PITPNM2: variants seen among roughly 807,000 people sequenced by gnomAD.
PITPNM2 encodes the protein membrane-associated phosphatidylinositol transfer protein 2.
A neutral mutation model predicts 132.2 loss-of-function variants in PITPNM2; 35 were observed. The observed-to-expected ratio is 0.26, with a 90% confidence interval of 0.20 to 0.35. PITPNM2 has a LOEUF of 0.35. Among genes scored for constraint, PITPNM2 ranks in the 10% least tolerant of loss-of-function variants. The pLI is 1.00. For synonymous variants in PITPNM2, 738 were observed against 799.2 expected (o/e 0.92, Z 1.29); for missense variants, 1,332 against 1,912.0 (o/e 0.70, Z 5.66).
At chr12:123,052,991 C>T (rs1051759468) in intron 2 of PITPNM2, among the ~76,000 whole-genome samples, 2 of 152,060 alleles carry the variant, frequency 1.3e-5, no homozygotes, top group African/African-American at 4.8e-5. Context: ...AGCAACCCTC[C>T]CCCTTCAGCC....
intron 3 of PITPNM2, among the ~76,000 whole-genome samples, chr12:123,028,948 A>G (rs2039970036): frequency 6.6e-6 from 1 of 152,196 alleles, no homozygotes; most frequent in Admixed American, 6.5e-5. Context: ...GGAAGGGCAC[A>G]GGTAGTGCCT....
Position 123,099,989 on chromosome 12 carries a change from G to T in PITPNM2, c.-96+10396C>A, listed in dbSNP as rs1180297386. Among the ~76,000 whole-genome samples, 4 of 152,198 alleles carry T rather than the reference G, an allele frequency of 2.6e-5. No homozygotes were observed. Among genetic ancestry groups the T allele is most frequent in the Non-Finnish European group, 5.9e-5 (4 of 68,038 alleles). ...ATGCCCGGGGGAAGTAAGAATTGCAGGTGACACGCGCACAGCCTACTCCGC... is the reference window on the plus strand; with the variant it reads ...ATGCCCGGGGGAAGTAAGAATTGCATGTGACACGCGCACAGCCTACTCCGC... On this transcript the variant is annotated intron_variant, in intron 2 of 25. Coordinates refer to ENST00000320201, the MANE Select transcript of PITPNM2 (RefSeq NM_020845.3). The surrounding 1 kb of genome is among the most constrained non-coding windows in gnomAD (Gnocchi z 4.2).
At chr12:123,148,159 C>A (rs191087415) in intron 1 of PITPNM2, among the ~76,000 whole-genome samples, 19 of 152,118 alleles carry the variant, frequency 1.2e-4, no homozygotes, top group African/African-American at 4.3e-4. Flanking sequence ...AAACATCAAC[C>A]AAATGACCTA....
intron 2 of PITPNM2, among the ~76,000 whole-genome samples, chr12:123,040,328 T>C (rs1592966175): frequency 6.6e-6 from 1 of 152,266 alleles, no homozygotes; most frequent in Middle Eastern, 3.4e-3. Flanking sequence ...CTCAACATTG[T>C]GAATATACTT....
At position 123,099,711 on chromosome 12, in the gene PITPNM2, T is replaced by C. The variant is rs755794320; in HGVS notation, c.-96+10674A>G. On this transcript the variant is annotated intron_variant, in intron 2 of 25. Coordinates refer to ENST00000320201, the MANE Select transcript of PITPNM2 (RefSeq NM_020845.3). The surrounding 1 kb of genome is among the most constrained non-coding windows in gnomAD (Gnocchi z 4.2). ...GTCCCACTGTGTGCCTGGGTTCAGA[T>C]GCCTATCCATGCTGGCACTGTTCCA... Among the ~76,000 whole-genome samples, 1 of 152,204 alleles carries C rather than the reference T, an allele frequency of 6.6e-6. No homozygotes were observed. The highest frequency in any genetic ancestry group is 1.5e-5 in the Non-Finnish European group (1 of 68,028).
intron 3 of PITPNM2, among the ~76,000 whole-genome samples, chr12:123,029,438 T>G (rs545667067): frequency 6.6e-6 from 1 of 152,130 alleles, no homozygotes; most frequent in Non-Finnish European, 1.5e-5. Context: ...ATACAAAAAT[T>G]AGCCAGGCAT....
chr12:123,148,495 T>C (rs953656795), intron 1 of PITPNM2, among the ~76,000 whole-genome samples: 7 of 152,114 alleles, frequency 4.6e-5, no homozygotes, highest in Non-Finnish European at 1.0e-4. Flanking sequence ...GCACATCCTC[T>C]ATGACTGGTC....
chr12:123,034,539 G>A lies in PITPNM2; in HGVS notation c.52C>T (p.Arg18Cys), dbSNP rs373071349. 6.8e-6 allele frequency: 11 copies of A among 1,613,998 alleles called. No individual in the cohort carries two copies. The highest frequency in any genetic ancestry group is 5.0e-5 in the Admixed American group (3 of 60,000). ...TGTATCATGTACAGCTGGGCGATGCGGTACTCCTCCACGGTCATTGGCAGA... is the reference window on the plus strand; with the variant it reads ...TGTATCATGTACAGCTGGGCGATGCAGTACTCCTCCACGGTCATTGGCAGA... ...IPLPMTVEEY[R>C]IAQLYMIQKK... The change falls in exon 3 of 26, where the codon CGC becomes TGC. Residue 18 changes from arginine (R) to cysteine (C), a missense_variant. Physicochemically the swap from Arg to Cys is radical, Grantham distance 180 (BLOSUM62 -3). Coordinates refer to ENST00000320201, the MANE Select transcript of PITPNM2 (RefSeq NM_020845.3).
chr12:123,138,634 A>T (rs1177578390), intron 1 of PITPNM2, among the ~76,000 whole-genome samples: 1 of 152,172 alleles, frequency 6.6e-6, no homozygotes, highest in African/African-American at 2.4e-5. Context: ...GAACAGGTAA[A>T]TCAATAGAAA....
intron 2 of PITPNM2, among the ~76,000 whole-genome samples, chr12:123,069,134 A>G (rs1476883797): frequency 6.6e-6 from 1 of 151,980 alleles, no homozygotes; most frequent in Non-Finnish European, 1.5e-5. Flanking sequence ...GTGCCTGTAG[A>G]ACCAGCTACT....
chr12:123,061,506 G>A (rs1384761623), intron 2 of PITPNM2, among the ~76,000 whole-genome samples: 1 of 152,248 alleles, frequency 6.6e-6, no homozygotes, highest in Non-Finnish European at 1.5e-5. Context: ...CCCTCTCACT[G>A]CACTATGGCA....
chr12:123,130,355 G>T (rs913173165), intron 1 of PITPNM2, among the ~76,000 whole-genome samples: 1 of 152,112 alleles, frequency 6.6e-6, no homozygotes, highest in Non-Finnish European at 1.5e-5. Context: ...AGATGCAAAA[G>T]ACCTTTGGAA....
At chr12:123,141,811 C>T (rs956342529) in intron 1 of PITPNM2, among the ~76,000 whole-genome samples, 1 of 152,128 alleles carries the variant, frequency 6.6e-6, no homozygotes, top group African/African-American at 2.4e-5. Context: ...TGCCAACACC[C>T]CACACCCAGC....
Position 123,000,560 on chromosome 12 carries a change from G to A in PITPNM2, c.1224+218C>T, listed in dbSNP as rs2038614912. 1.5e-6 allele frequency: 1 copy of A among 674,588 alleles called. No homozygotes were observed. The highest frequency in any genetic ancestry group is 2.2e-5 in the Admixed American group (1 of 44,936). The allele number at this position is 674,588 out of a possible 1,614,324, so 41.8% of individuals were successfully genotyped here. A position where few individuals can be genotyped will look rare whatever the true frequency, so the allele number is the denominator to read the frequency against. On this transcript the variant is annotated intron_variant, in intron 10 of 25. Transcript: ENST00000320201. This position sits in a 1 kb window ranked among gnomAD's most constrained non-coding sequence, Gnocchi z 5.4. ...TTCTCAGGGGTTGTCTGTAGTCCCT[G>A]GTTCTCGGGGACCTCAGAGACAGAG...
intron 2 of PITPNM2, among the ~76,000 whole-genome samples, chr12:123,039,601 T>A (rs781326235): frequency 2.0e-5 from 3 of 152,194 alleles, no homozygotes; most frequent in Non-Finnish European, 1.5e-5. Flanking sequence ...GCAGTAAAAG[T>A]ACTCTGTGGG....
chr12:123,043,203 G>A (rs887671005), intron 2 of PITPNM2, among the ~76,000 whole-genome samples: 2 of 152,084 alleles, frequency 1.3e-5, no homozygotes, highest in Admixed American at 1.3e-4. Flanking sequence ...TCAGGAAGCA[G>A]GCAGAGAGCT....
intron 1 of PITPNM2, among the ~76,000 whole-genome samples, chr12:123,115,133 C>CA (rs1393441313): frequency 1.3e-5 from 2 of 152,202 alleles, no homozygotes; most frequent in African/African-American, 4.8e-5. Flanking sequence ...CACCATTACC[C>CA]ACCCTCCCAC....
intron 2 of PITPNM2, among the ~76,000 whole-genome samples, chr12:123,107,242 T>G (rs1167908546): frequency 6.6e-6 from 1 of 152,192 alleles, no homozygotes; most frequent in East Asian, 1.9e-4. Context: ...AGCCACTGCC[T>G]GGGCCCAGGA....
At chr12:123,038,149 G>A (rs1294462085) in intron 2 of PITPNM2, among the ~76,000 whole-genome samples, 2 of 152,254 alleles carry the variant, frequency 1.3e-5, no homozygotes, top group Non-Finnish European at 2.9e-5. Context: ...TTCCATCAAG[G>A]CTGGCTTAGG....
Sources: allele counts gnomAD v4.1 joint callset (sites outside exome capture counted in the v4.1 genomes callset), GRCh38; gene constraint gnomAD v4.1.1; non-coding constraint Gnocchi (gnomAD v3.1); transcripts MANE v1.5; gene names NCBI Gene and HGNC (gene_info 2026-07-23, HGNC 2026-07-21).